ABLIM1: variants seen among roughly 807,000 people sequenced by gnomAD.
The protein encoded by ABLIM1 is actin binding LIM protein 1, also known as actin-binding LIM protein 1.
Under a neutral mutation model 107.0 loss-of-function variants are expected in ABLIM1, and 40 were observed. The observed-to-expected ratio is 0.37, with a 90% CI of 0.29 to 0.49. ABLIM1 has a LOEUF of 0.49. Among genes scored for constraint, ABLIM1 ranks in the 20% least tolerant of loss-of-function variants. The pLI is 0.97. For synonymous variants in ABLIM1, 357 were observed against 357.3 expected, an observed-to-expected ratio of 1.00 and a Z score of 0.01; for missense variants, 857 against 1,008.5, an observed-to-expected ratio of 0.85 and a Z score of 2.04.
At chr10:114,482,747 A>C (rs2057567676) in intron 8 of ABLIM1, among the ~76,000 whole-genome samples, 1 of 152,166 alleles carries the variant, frequency 6.6e-6, no homozygotes, top group South Asian at 2.1e-4. Context: ...AGGAGGAGAG[A>C]AGTTATTGAA....
At chr10:114,652,903 T>C (rs942431714) in intron 1 of ABLIM1, among the ~76,000 whole-genome samples, 1 of 152,248 alleles carries the variant, frequency 6.6e-6, no homozygotes, top group African/African-American at 2.4e-5. Flanking sequence ...GAAGGAAATC[T>C]TTGCTAATTT....
intron 1 of ABLIM1, among the ~76,000 whole-genome samples, chr10:114,682,117 T>C (rs1357716918): frequency 1.3e-5 from 2 of 152,250 alleles, no homozygotes; most frequent in Admixed American, 6.5e-5. Context: ...ATTTAAACTA[T>C]GTTAACGATG....
At chr10:114,517,965 C>G (rs963316479) in intron 6 of ABLIM1, among the ~76,000 whole-genome samples, 1 of 151,972 alleles carries the variant, frequency 6.6e-6, no homozygotes, top group Non-Finnish European at 1.5e-5. Context: ...TATTTACACA[C>G]ATACTTTTTT....
chr10:114,635,751 A>T (rs1389711466), intron 1 of ABLIM1, among the ~76,000 whole-genome samples: 1 of 152,172 alleles, frequency 6.6e-6, no homozygotes, highest in Non-Finnish European at 1.5e-5. Context: ...CGAACTCCTG[A>T]ACTCAGGTGA....
chr10:114,592,718 GA>G (rs1177068684), intron 2 of ABLIM1, among the ~76,000 whole-genome samples: 7 of 152,268 alleles, frequency 4.6e-5, no homozygotes, highest in African/African-American at 1.4e-4. Flanking sequence ...TACATACTAT[GA>G]AGATGGGGCC....
At chr10:114,440,197 A>G in intron 19 of ABLIM1, 108 bp from the exon 20 acceptor site, 1 of 1,189,048 alleles carries the variant, frequency 8.4e-7, no homozygotes, top group Non-Finnish European at 1.2e-6. Flanking sequence ...CGCCCTATAA[A>G]CCATGTTCTT....
intron 5 of ABLIM1, among the ~76,000 whole-genome samples, chr10:114,547,155 AT>A (rs11302858): frequency 0.76 from 113,024 of 148,860 alleles, 43,309 homozygotes; most frequent in African/African-American, 0.9. Flanking sequence ...GCCAGGCTAC[AT>A]TTAAAAAAAA....
chr10:114,679,590 C>G (rs947511157), intron 1 of ABLIM1, among the ~76,000 whole-genome samples: 2 of 147,672 alleles, frequency 1.4e-5, no homozygotes, highest in South Asian at 2.1e-4. Flanking sequence ...AGCCGAGATC[C>G]TGCCATTGCA....
intron 12 of ABLIM1, among the ~76,000 whole-genome samples, chr10:114,460,475 C>T (rs2063644132): frequency 6.6e-6 from 1 of 152,192 alleles, no homozygotes; most frequent in Non-Finnish European, 1.5e-5. Flanking sequence ...GTGGCGCACG[C>T]CTGTAATCCC....
the ABLIM1 span, among the ~76,000 whole-genome samples, chr10:114,777,098 A>C: frequency 2.0e-5 from 3 of 152,030 alleles, no homozygotes; most frequent in Non-Finnish European, 4.4e-5. Context: ...TATGCCCCAC[A>C]TGTCTCTTTT....
chr10:114,786,665 T>A, the ABLIM1 span, among the ~76,000 whole-genome samples: 1 of 152,212 alleles, frequency 6.6e-6, no homozygotes, highest in South Asian at 2.1e-4. Context: ...CCACTGACCA[T>A]GTATCATCAT....
intron 8 of ABLIM1, among the ~76,000 whole-genome samples, chr10:114,487,733 G>A (rs2058387478): frequency 6.6e-6 from 1 of 152,122 alleles, no homozygotes; most frequent in African/African-American, 2.4e-5. Context: ...GACTAGTAAG[G>A]CCAAGGCTTA....
At chr10:114,787,998 TG>T in the ABLIM1 span, among the ~76,000 whole-genome samples, 3 of 145,594 alleles carry the variant, frequency 2.1e-5, no homozygotes, top group Non-Finnish European at 3.0e-5. Flanking sequence ...AAAATTCTTC[TG>T]CCTTGGGATC....
chr10:114,602,588 C>T (rs1413025598), intron 1 of ABLIM1, among the ~76,000 whole-genome samples: 2 of 152,202 alleles, frequency 1.3e-5, no homozygotes, highest in Admixed American at 6.5e-5. Flanking sequence ...TGATGAGCCT[C>T]CCATTATGTG....
chr10:114,781,453 G>A, the ABLIM1 span, among the ~76,000 whole-genome samples: 5 of 151,558 alleles, frequency 3.3e-5, no homozygotes, highest in Non-Finnish European at 5.9e-5. Context: ...GCAGTGAGCC[G>A]AGATCATGCC....
intron 4 of ABLIM1, among the ~76,000 whole-genome samples, chr10:114,558,254 A>G (rs1278427714): frequency 1.3e-5 from 2 of 152,178 alleles, no homozygotes; most frequent in African/African-American, 4.8e-5. Flanking sequence ...AGGAAACTAA[A>G]AGGAGTCAGG....
chr10:114,638,574 T>C (rs767476495), intron 1 of ABLIM1, among the ~76,000 whole-genome samples: 8 of 151,754 alleles, frequency 5.3e-5, no homozygotes, highest in Non-Finnish European at 1.0e-4. Flanking sequence ...TTACTGGGCC[T>C]TCCCTTCTGC....
At chr10:114,491,012 G>GTGTATATATA in intron 7 of ABLIM1, among the ~76,000 whole-genome samples, 1,796 of 92,308 alleles carry the variant, frequency 0.019, 33 homozygotes, top group African/African-American at 0.033. Context: ...GTGTGTGTGT[G>GTGTATATATA]TATATATATA....
chr10:114,682,016 A>G (rs186412767), intron 1 of ABLIM1, among the ~76,000 whole-genome samples: 12 of 152,300 alleles, frequency 7.9e-5, no homozygotes, highest in African/African-American at 2.9e-4. Flanking sequence ...GGCACGATGC[A>G]TTTTCCCTCT....
Sources: allele counts gnomAD v4.1 joint callset (sites outside exome capture counted in the v4.1 genomes callset), GRCh38; gene constraint gnomAD v4.1.1; transcripts MANE v1.5; gene names NCBI Gene and HGNC (gene_info 2026-07-23, HGNC 2026-07-21).